The following ORMDL3 variants were observed in gnomAD, a reference collection of about 807,000 sequenced individuals.
The protein encoded by ORMDL3 is ORMDL sphingolipid biosynthesis regulator 3, also known as ORM1-like protein 3.
A neutral mutation model predicts 12.6 loss-of-function variants in ORMDL3; 6 were observed. The ratio of observed to expected loss-of-function variants is 0.48; its 90% CI spans 0.26 to 0.94. The LOEUF (loss-of-function observed/expected upper bound fraction) is 0.94, where lower values mean the gene tolerates loss of function less well. Ranked by LOEUF, ORMDL3 falls within the 40% of genes least tolerant of loss-of-function variation. ORMDL3 has a pLI of 0.14. For synonymous variants in ORMDL3, 99 were observed against 87.2 expected, an observed-to-expected ratio of 1.14 and a Z score of -0.75; for missense variants, 159 against 205.5, an observed-to-expected ratio of 0.77 and a Z score of 1.38.
At chr17:39,926,751 G>A (rs1260327291) in intron 1 of ORMDL3, 1 of 978,296 alleles carries the variant, frequency 1.0e-6, no homozygotes, top group Non-Finnish European at 1.2e-6. Flanking sequence ...GCACCACCAG[G>A]GCAGCCACCA....
intron 3 of ORMDL3, 79 bp from the exon 4 acceptor site, chr17:39,922,764 GGC>G: frequency 6.7e-7 from 1 of 1,502,546 alleles, no homozygotes; most frequent in East Asian, 2.3e-5. Context: ...GGAGGGGAAA[GGC>G]AGAATCCCAA....
rs780013793 is a variant in ORMDL3 at position 39,923,296 on chromosome 17, A to G, written c.175-33T>C. 54 of 1,610,936 alleles carry G rather than the reference A, an allele frequency of 3.4e-5. 1 individual carries two copies. The Middle Eastern group carries it at 2.8e-3, about 84-fold the overall frequency. ...AAGAAGTCTTTGTTAGAGGATACAA[A>G]AGGGAAAGGCCCCCCTGCCCAGCTC... On this transcript the variant is annotated intron_variant, in intron 2 of 3. Transcript: ENST00000304046.
chr17:39,926,195 C>T (rs1007647779), intron 1 of ORMDL3: 6 of 152,234 alleles, frequency 3.9e-5, no homozygotes, highest in Non-Finnish European at 5.9e-5. Context: ...GGACCCCATA[C>T]GCCTTTCTGG....
Position 39,922,526 on chromosome 17 carries a change from TG to T in ORMDL3, c.*23del. 5 of 1,605,620 alleles carry T rather than the reference TG, an allele frequency of 3.1e-6. No individual in the cohort carries two copies. Among genetic ancestry groups the T allele is most frequent in the Non-Finnish European group, 4.3e-6 (5 of 1,176,262 alleles). ...TTACCCTACCCCTCCCCTGCCACCC[TG>T]GGCAGGGGAAGGGGCTGCACTCTCA... is the stretch of plus-strand genomic sequence containing the variant. On this transcript the variant is annotated 3_prime_UTR_variant, in exon 4 of 4. Transcript: ENST00000304046.
At chr17:39,926,053 G>C (rs1304312406) in intron 1 of ORMDL3, 1 of 144,972 alleles carries the variant, frequency 6.9e-6, no homozygotes, top group African/African-American at 2.9e-5. Flanking sequence ...AGCTTCCCAA[G>C]TCTGACCTGA....
At position 39,924,086 on chromosome 17, in the gene ORMDL3, T is replaced by C. The variant is rs1028748866; in HGVS notation, c.118A>G (p.Ile40Val). Residue 40 changes from isoleucine to valine, a missense_variant, in exon 2 of 4, where the codon ATC becomes GTC. Coordinates refer to ENST00000304046, the MANE Select transcript of ORMDL3 (RefSeq NM_139280.4). Reference protein sequence around the residue: ...IGLLHIVLLSIPFVSVPVVWT... With the variant: ...IGLLHIVLLSVPFVSVPVVWT... ...ACGACAGGGACACTCACAAACGGGA[T>C]GCTCAGCAGCACGATGTGGAGGAGA... 1.2e-6 allele frequency: 2 copies of C among 1,613,948 alleles called. No individual in the cohort carries two copies. The highest frequency in any genetic ancestry group is 1.7e-6 in the Non-Finnish European group (2 of 1,179,896).
intron 2 of ORMDL3, 57 bp from the exon 3 acceptor site, chr17:39,923,320 T>A (rs944593834): frequency 2.2e-5 from 34 of 1,573,962 alleles, no homozygotes; most frequent in Middle Eastern, 1.7e-4. Flanking sequence ...CCTGCCCAGC[T>A]CCTCCACCCA....
chr17:39,926,329 A>G (rs1158145153), intron 1 of ORMDL3: 1 of 152,366 alleles, frequency 6.6e-6, no homozygotes, highest in Admixed American at 6.5e-5. Context: ...GCAGGAAACC[A>G]CCAGAGACCC....
rs1978320272 is a variant in ORMDL3, at chr17:39,924,042, G to C, written c.162C>G (p.Leu54=). 1.2e-6 allele frequency: 2 copies of C among 1,606,148 alleles called. No homozygotes were observed. Among genetic ancestry groups the C allele is most frequent in the East Asian group, 4.5e-5 (2 of 44,754 alleles). ...SVPVVWTLTN[L]IHNMGMYIFL... Reference sequence around the variant, plus strand: ...GACAGGCTCTCACCATGTTGTGAATGAGGTTGGTGAGGGTCCAGACGACAG... The same window carrying C: ...GACAGGCTCTCACCATGTTGTGAATCAGGTTGGTGAGGGTCCAGACGACAG... Residue 54 remains leucine (L), a synonymous_variant, in exon 2 of 4, where the codon CTC becomes CTG. Transcript: ENST00000304046.
chr17:39,923,573 G>A (rs923718580), intron 2 of ORMDL3, among the ~76,000 whole-genome samples: 3 of 152,082 alleles, frequency 2.0e-5, no homozygotes, highest in African/African-American at 2.4e-5. Context: ...GGAGGCAAGC[G>A]ATGGGACTAA....
intron 1 of ORMDL3, among the ~76,000 whole-genome samples, chr17:39,924,969 C>T (rs1978338496): frequency 6.6e-6 from 1 of 152,146 alleles, no homozygotes; most frequent in African/African-American, 2.4e-5. Context: ...CTCAGGCCAA[C>T]CCTTGTGATG....
chr17:39,924,034 T>G lies in ORMDL3; in HGVS notation c.170A>C (p.Asn57Thr). 6.2e-7 allele frequency: 1 copy of G among 1,602,622 alleles called. No individual in the cohort carries two copies. The highest frequency in any genetic ancestry group is 8.5e-7 in the Non-Finnish European group (1 of 1,173,706). Reference sequence around the variant, plus strand: ...AGGCAGCAGACAGGCTCTCACCATGTTGTGAATGAGGTTGGTGAGGGTCCA... The same window carrying G: ...AGGCAGCAGACAGGCTCTCACCATGGTGTGAATGAGGTTGGTGAGGGTCCA... ...VVWTLTNLIH[N>T]MGMYIFLHTV... Residue 57 changes from asparagine (N) to threonine (T), a missense_variant, in exon 2 of 4, where the codon AAC (asparagine) becomes ACC (threonine). Physicochemically the swap from Asn to Thr is moderately conservative, Grantham distance 65 (BLOSUM62 0). Transcript: ENST00000304046.
chr17:39,927,261 CCTAGCCGAGGCGCTCCTCCCG>C, intron 1 of ORMDL3: 1 of 197,430 alleles, frequency 5.1e-6, no homozygotes, highest in Non-Finnish European at 9.2e-6. Context: ...GCCTCCCACC[CCTAGCCGAGGCGCTCCTCCCG>C]ACGTTCCACC....
At position 39,923,263 on chromosome 17, in the gene ORMDL3, C is replaced by T. The variant is rs991130366; in HGVS notation, c.175G>A (p.Gly59Ser). 3 of 1,613,946 alleles carry T rather than the reference C, an allele frequency of 1.9e-6. No homozygotes were observed. The highest frequency in any genetic ancestry group is 2.5e-6 in the Non-Finnish European group (3 of 1,179,954). The change falls in exon 3 of 4, where the codon GGC (glycine) becomes AGC (serine). Residue 59 changes from glycine to serine, a missense_variant and splice_region_variant. Gly to Ser is a moderately conservative substitution (Grantham distance 56, BLOSUM62 0). Transcript: ENST00000304046. ...ACCGTGTGCAGGAAGATATACATGCCCTGGAGGAAGAAGTCTTTGTTAGAG... is the reference window on the plus strand; with the variant it reads ...ACCGTGTGCAGGAAGATATACATGCTCTGGAGGAAGAAGTCTTTGTTAGAG... ...WTLTNLIHNMGMYIFLHTVKG... is the reference protein window; with the variant it reads ...WTLTNLIHNMSMYIFLHTVKG...
chr17:39,922,784 G>A, intron 3 of ORMDL3, 99 bp from the exon 4 acceptor site: 1 of 1,427,622 alleles, frequency 7.0e-7, no homozygotes, highest in Non-Finnish European at 9.5e-7. Flanking sequence ...CAACAGCTAA[G>A]GAGTTACAGA....
In ORMDL3 at chr17:39,923,147, G is replaced by A. The variant is rs753472474; in HGVS notation, c.291C>T (p.Ala97=). 19 of 1,614,098 alleles carry A rather than the reference G, an allele frequency of 1.2e-5. 1 individual carries two copies. The South Asian group carries it at 2.0e-4, about 17-fold the overall frequency. ...EQMDYGVQFT[A]SRKFLTITPI... is the part of the protein sequence containing the mutation. ...GTGTGATGGTCAAGAACTTCCGAGA[G>A]GCCGTGAACTGGACCCCATAATCCA... is the stretch of plus-strand genomic sequence containing the variant. The change falls in exon 3 of 4, where the codon GCC becomes GCT. Residue 97 remains alanine (A), a synonymous_variant. Transcript: ENST00000304046.
intron 1 of ORMDL3, chr17:39,926,806 C>A: frequency 1.0e-6 from 1 of 986,202 alleles, no homozygotes; most frequent in Non-Finnish European, 1.2e-6. Flanking sequence ...GCAGCCCTCA[C>A]AACAGCAAAC....
chr17:39,924,599 T>C (rs1195174377), intron 1 of ORMDL3, among the ~76,000 whole-genome samples: 1 of 152,190 alleles, frequency 6.6e-6, no homozygotes, highest in Non-Finnish European at 1.5e-5. Flanking sequence ...GGGAGAGAAT[T>C]CTCACTCAGC....
chr17:39,927,581 G>C lies in ORMDL3; in HGVS notation c.-120C>G. ...AACAACCCGCGGCTGCAGCCTCCCCGCTGGCAGCTCCGGCCGAATCAGCGC... is the reference window on the plus strand; with the variant it reads ...AACAACCCGCGGCTGCAGCCTCCCCCCTGGCAGCTCCGGCCGAATCAGCGC... On this transcript the variant is annotated 5_prime_UTR_variant, in exon 1 of 4. Transcript: ENST00000304046. 1.0e-6 allele frequency: 1 copy of C among 985,668 alleles called. No individual in the cohort carries two copies. The allele number at this position is 985,668 out of a possible 1,614,324, so 61.1% of individuals were successfully genotyped here. A position where few individuals can be genotyped will look rare whatever the true frequency, so the allele number is the denominator to read the frequency against.
Sources: gnomAD v4.1 joint callset for allele counts (sites outside exome capture counted in the v4.1 genomes callset) on GRCh38, gnomAD v4.1.1 for gene constraint, MANE v1.5 for transcripts, NCBI Gene and HGNC (gene_info 2026-07-23, HGNC 2026-07-21) for gene names.